SIK3: variants seen among roughly 807,000 people sequenced by gnomAD.
The protein encoded by SIK3 is SIK family kinase 3, also known as serine/threonine-protein kinase SIK3.
Under a neutral mutation model 144.2 loss-of-function variants are expected in SIK3, and 28 were observed. That is an observed-to-expected ratio of 0.19 (90% CI 0.14 to 0.27). The LOEUF (loss-of-function observed/expected upper bound fraction) is 0.27. Among genes scored for constraint, SIK3 ranks in the 10% least tolerant of loss-of-function variants. The probability of loss-of-function intolerance (pLI) is 1.00; values close to 1 mark genes in which losing one functional copy is unlikely to be tolerated. For missense variants in SIK3, 1,319 were observed against 1,776.0 expected (o/e 0.74, Z 4.62); for synonymous variants, 686 against 676.3 (o/e 1.01, Z -0.22).
At chr11:117,063,118 A>G (rs138713814) in intron 1 of SIK3, among the ~76,000 whole-genome samples, 8 of 152,344 alleles carry the variant, frequency 5.3e-5, no homozygotes. Flanking sequence ...AATATTTAAA[A>G]GAATGTATTA....
intron 1 of SIK3, among the ~76,000 whole-genome samples, chr11:116,960,384 G>C (rs1393996067): frequency 1.3e-5 from 2 of 152,114 alleles, no homozygotes; most frequent in Non-Finnish European, 2.9e-5. Flanking sequence ...AAATTAGCCA[G>C]GTGTGGTAGT....
chr11:116,885,024 A>AAGAT (rs1944742962), intron 6 of SIK3, among the ~76,000 whole-genome samples: 1 of 152,258 alleles, frequency 6.6e-6, no homozygotes, highest in Non-Finnish European at 1.5e-5. Context: ...TTCCAACAGT[A>AAGAT]AGATATCAGA....
chr11:116,952,200 C>G (rs1948966950), intron 3 of SIK3, among the ~76,000 whole-genome samples: 2 of 152,062 alleles, frequency 1.3e-5, no homozygotes, highest in African/African-American at 4.8e-5. Context: ...AAAAAGGTAT[C>G]TTCCAGCCTG....
chr11:116,947,569 A>ATGTATGTATTTTTT (rs374241141), intron 3 of SIK3, among the ~76,000 whole-genome samples: 1 of 109,448 alleles, frequency 9.1e-6, no homozygotes, highest in Non-Finnish European at 1.9e-5. Context: ...GTATGTATGT[A>ATGTATGTATTTTTT]TTTTTTTTTT....
intron 13 of SIK3, among the ~76,000 whole-genome samples, chr11:116,872,327 T>C (rs562916819): frequency 1.3e-5 from 2 of 152,226 alleles, no homozygotes; most frequent in Non-Finnish European, 2.9e-5. Context: ...CCACGTCCCA[T>C]AAAGCTGACC....
chr11:116,851,248 T>C (rs1033528357), intron 21 of SIK3, among the ~76,000 whole-genome samples: 1 of 152,200 alleles, frequency 6.6e-6, no homozygotes, highest in Non-Finnish European at 1.5e-5. Flanking sequence ...GTTGGTTTTC[T>C]GAGTTAAAGC....
chr11:116,861,966 C>T, intron 17 of SIK3, 40 bp from the exon 18 acceptor site: 1 of 1,441,698 alleles, frequency 6.9e-7, no homozygotes, highest in South Asian at 1.2e-5. Context: ...TTATTGTGAG[C>T]TTGAAGATTA....
At chr11:117,067,372 ACT>A (rs1954068889) in intron 1 of SIK3, among the ~76,000 whole-genome samples, 1 of 152,122 alleles carries the variant, frequency 6.6e-6, no homozygotes, top group Admixed American at 6.6e-5. Flanking sequence ...AAAACAACAA[ACT>A]CTGATACAAA....
chr11:116,917,902 C>T (rs1946753175), intron 4 of SIK3, among the ~76,000 whole-genome samples: 1 of 135,304 alleles, frequency 7.4e-6, no homozygotes, highest in Admixed American at 7.0e-5. Flanking sequence ...CTTAAGTGTA[C>T]ACCTAATTTC....
At chr11:116,933,435 GGCCCCATTT>G (rs1464996909) in intron 3 of SIK3, among the ~76,000 whole-genome samples, 2 of 152,156 alleles carry the variant, frequency 1.3e-5, no homozygotes, top group African/African-American at 4.8e-5. Flanking sequence ...CACTGCACCT[GGCCCCATTT>G]GCTCCTTTTT....
chr11:117,097,394 C>T (rs558986853), intron 1 of SIK3, among the ~76,000 whole-genome samples: 3 of 152,248 alleles, frequency 2.0e-5, no homozygotes, highest in South Asian at 2.1e-4. Flanking sequence ...AATTGTTTAA[C>T]CCCTGACTAC....
chr11:116,906,451 A>C (rs56241543), intron 4 of SIK3, among the ~76,000 whole-genome samples: 1 of 152,336 alleles, frequency 6.6e-6, no homozygotes, highest in Non-Finnish European at 1.5e-5. Context: ...TATTTTTGAA[A>C]GAAAAAGTAG....
intron 1 of SIK3, among the ~76,000 whole-genome samples, chr11:117,030,138 A>T (rs1952192342): frequency 6.6e-6 from 1 of 152,152 alleles, no homozygotes; most frequent in Admixed American, 6.6e-5. Flanking sequence ...GAAAGGAGAA[A>T]TGTAAGAATA....
At chr11:116,969,329 T>C (rs921295618) in intron 1 of SIK3, among the ~76,000 whole-genome samples, 6 of 146,840 alleles carry the variant, frequency 4.1e-5, no homozygotes, top group Non-Finnish European at 9.0e-5. Context: ...TTTGCATAAA[T>C]ATTGTTCTAG....
intron 6 of SIK3, among the ~76,000 whole-genome samples, chr11:116,891,124 G>A (rs181114418): frequency 6.7e-6 from 1 of 148,310 alleles, no homozygotes; most frequent in East Asian, 1.9e-4. Context: ...TTGGTCAACA[G>A]AGAGAGAGTC....
chr11:116,939,964 T>C (rs746176925), intron 3 of SIK3, among the ~76,000 whole-genome samples: 8 of 152,234 alleles, frequency 5.3e-5, no homozygotes, highest in Admixed American at 6.5e-5. Flanking sequence ...TATAAGAAGA[T>C]GTTTTGAAAC....
chr11:116,888,003 C>T (rs1208908744), intron 6 of SIK3, among the ~76,000 whole-genome samples: 1 of 152,158 alleles, frequency 6.6e-6, no homozygotes, highest in Admixed American at 6.5e-5. Context: ...TACTTCATTC[C>T]ACACATTACT....
At chr11:116,893,141 T>C (rs1433617479) in intron 6 of SIK3, among the ~76,000 whole-genome samples, 1 of 152,184 alleles carries the variant, frequency 6.6e-6, no homozygotes, top group African/African-American at 2.4e-5. Flanking sequence ...TACATGTCAC[T>C]ATACATTTAC....
intron 6 of SIK3, among the ~76,000 whole-genome samples, chr11:116,889,694 A>G (rs1185163969): frequency 6.6e-6 from 1 of 152,218 alleles, no homozygotes; most frequent in African/African-American, 2.4e-5. Context: ...CCAGGAGTTC[A>G]AGACCAGCCT....
Sources: gnomAD v4.1 joint callset for allele counts (sites outside exome capture counted in the v4.1 genomes callset) on GRCh38, gnomAD v4.1.1 for gene constraint, MANE v1.5 for transcripts, NCBI Gene and HGNC (gene_info 2026-07-23, HGNC 2026-07-21) for gene names.